The following DLGAP1 variants were observed in gnomAD, a reference collection of about 807,000 sequenced individuals.
DLGAP1 encodes disks large-associated protein 1.
A neutral mutation model predicts 90.8 loss-of-function variants in DLGAP1; 11 were observed. The observed-to-expected ratio is 0.12, with a 90% CI of 0.08 to 0.20. The LOEUF (loss-of-function observed/expected upper bound fraction) is 0.20, where lower values mean the gene tolerates loss of function less well. Ranked by LOEUF, DLGAP1 falls within the 10% of genes least tolerant of loss-of-function variation. The pLI, the probability that DLGAP1 is intolerant of heterozygous loss-of-function variation, is 1.00. For missense variants in DLGAP1, 1,050 were observed against 1,333.8 expected, an observed-to-expected ratio of 0.79 and a Z score of 3.31; for synonymous variants, 558 against 540.7, an observed-to-expected ratio of 1.03 and a Z score of -0.44.
intron 1 of DLGAP1, among the ~76,000 whole-genome samples, chr18:4,266,906 G>A (rs2079143336): frequency 6.6e-6 from 1 of 152,140 alleles, no homozygotes; most frequent in African/African-American, 2.4e-5. Flanking sequence ...GACTCCAAGT[G>A]TAATCTTTAT....
intron 2 of DLGAP1, among the ~76,000 whole-genome samples, chr18:4,022,096 C>T (rs999579774): frequency 6.6e-6 from 1 of 152,124 alleles, no homozygotes; most frequent in African/African-American, 2.4e-5. Context: ...GGCTCTCAAA[C>T]AGAGTTGGTG....
At chr18:3,955,668 C>T (rs1213170832) in intron 3 of DLGAP1, among the ~76,000 whole-genome samples, 1 of 151,040 alleles carries the variant, frequency 6.6e-6, no homozygotes, top group East Asian at 2.0e-4. Flanking sequence ...GAGCCGAGAT[C>T]GTGCCATTGC....
chr18:3,943,550 C>T (rs1394120835), intron 3 of DLGAP1, among the ~76,000 whole-genome samples: 4 of 145,554 alleles, frequency 2.7e-5, no homozygotes, highest in East Asian at 2.1e-4. Flanking sequence ...ATTTGCAAAT[C>T]GGTAGAACTG....
At chr18:4,063,368 C>T (rs2143329952) in intron 2 of DLGAP1, among the ~76,000 whole-genome samples, 1 of 152,172 alleles carries the variant, frequency 6.6e-6, no homozygotes, top group Non-Finnish European at 1.5e-5. Flanking sequence ...GGCAATGAAG[C>T]TAGCAGGAAA....
chr18:3,900,545 C>T (rs1053460119), intron 3 of DLGAP1, among the ~76,000 whole-genome samples: 15 of 152,248 alleles, frequency 9.9e-5, no homozygotes, highest in African/African-American at 2.4e-4. Flanking sequence ...ACAGAGTGAG[C>T]GCTCAGTAAA....
chr18:3,805,163 C>T (rs1274105994), intron 5 of DLGAP1, among the ~76,000 whole-genome samples: 1 of 152,216 alleles, frequency 6.6e-6, no homozygotes, highest in East Asian at 1.9e-4. Flanking sequence ...AGGGACTGTG[C>T]TAAGTGCGCC....
chr18:4,256,648 G>GT (rs148500834), intron 1 of DLGAP1, among the ~76,000 whole-genome samples: 2,242 of 151,796 alleles, frequency 0.015, 50 homozygotes, highest in African/African-American at 0.05. Context: ...TGTTACATGA[G>GT]TTTTTTTTAA....
chr18:4,006,512 C>T (rs951162225), intron 2 of DLGAP1, among the ~76,000 whole-genome samples: 1 of 133,950 alleles, frequency 7.5e-6, no homozygotes, highest in African/African-American at 3.8e-5. Flanking sequence ...TCTAAGAGTG[C>T]TCCAGCTGTT....
At chr18:4,143,570 G>C (rs894714532) in intron 2 of DLGAP1, among the ~76,000 whole-genome samples, 1 of 151,802 alleles carries the variant, frequency 6.6e-6, no homozygotes, top group Admixed American at 6.6e-5. Flanking sequence ...GACAAGGCCT[G>C]GTACTGGGTA....
At chr18:4,398,614 C>G (rs2082487209) in intron 1 of DLGAP1, among the ~76,000 whole-genome samples, 1 of 152,114 alleles carries the variant, frequency 6.6e-6, no homozygotes, top group South Asian at 2.1e-4. Flanking sequence ...GGCATTATTG[C>G]TGCTATGAAA....
chr18:3,534,018 T>G (rs1015108404), intron 10 of DLGAP1, among the ~76,000 whole-genome samples, 176 bp downstream of exon 10: 4 of 152,166 alleles, frequency 2.6e-5, no homozygotes, highest in Non-Finnish European at 1.5e-5. Context: ...TTTTGTGCTG[T>G]GCAGGGACTT....
chr18:3,877,727 C>T (rs1315515914), intron 4 of DLGAP1, among the ~76,000 whole-genome samples: 1 of 152,150 alleles, frequency 6.6e-6, no homozygotes, highest in Non-Finnish European at 1.5e-5. Flanking sequence ...ACGGTTTAAC[C>T]CACTAAGTAT....
At chr18:4,185,421 C>G (rs1057381372) in intron 1 of DLGAP1, among the ~76,000 whole-genome samples, 26 of 152,004 alleles carry the variant, frequency 1.7e-4, no homozygotes, top group Non-Finnish European at 1.2e-4. Context: ...ACCCTCGACT[C>G]CCAAGTAGGC....
At chr18:3,897,402 AT>A (rs1034881006) in intron 3 of DLGAP1, among the ~76,000 whole-genome samples, 1 of 152,078 alleles carries the variant, frequency 6.6e-6, no homozygotes, top group Non-Finnish European at 1.5e-5. Context: ...ACATTCATGT[AT>A]TTTTTTTCCC....
chr18:4,436,729 T>C (rs1001379277), intron 1 of DLGAP1, among the ~76,000 whole-genome samples: 1 of 152,196 alleles, frequency 6.6e-6, no homozygotes, highest in Non-Finnish European at 1.5e-5. Flanking sequence ...AAGTTAAATG[T>C]TGACGGGTAA....
chr18:3,571,140 T>C (rs2054758728), intron 8 of DLGAP1: 2 of 152,000 alleles, frequency 1.3e-5, no homozygotes, highest in South Asian at 4.2e-4. Context: ...GTCTTTTTAC[T>C]ATGTAGTATT....
chr18:4,421,520 T>C (rs972148785), intron 1 of DLGAP1, among the ~76,000 whole-genome samples: 1 of 152,134 alleles, frequency 6.6e-6, no homozygotes, highest in African/African-American at 2.4e-5. Context: ...GGGATTACTA[T>C]TCAGCCTACT....
intron 7 of DLGAP1, among the ~76,000 whole-genome samples, chr18:3,591,796 T>C (rs1391108517): frequency 1.3e-5 from 2 of 152,062 alleles, no homozygotes; most frequent in African/African-American, 4.8e-5. Flanking sequence ...GCTTAGAGGA[T>C]AGCATGGGCC....
intron 3 of DLGAP1, among the ~76,000 whole-genome samples, chr18:3,922,345 A>G (rs1306701499): frequency 6.6e-6 from 1 of 152,214 alleles, no homozygotes; most frequent in East Asian, 1.9e-4. Context: ...TAAGCCAGGC[A>G]CTAGGGATAT....
Sources: allele counts gnomAD v4.1 joint callset (sites outside exome capture counted in the v4.1 genomes callset), GRCh38; gene constraint gnomAD v4.1.1; transcripts MANE v1.5; gene names NCBI Gene and HGNC (gene_info 2026-07-23, HGNC 2026-07-21).